The following PALM2AKAP2 variants were observed in gnomAD, a reference collection of about 807,000 sequenced individuals.
PALM2AKAP2 encodes the protein PALM2 and AKAP2 fusion, also known as PALM2-AKAP2 fusion protein.
PALM2AKAP2 carries 37 observed loss-of-function variants against 71.5 expected under a neutral mutation model. The observed-to-expected ratio is 0.52, with a 90% CI of 0.40 to 0.68. The LOEUF (loss-of-function observed/expected upper bound fraction) is 0.68. Ranked by LOEUF, PALM2AKAP2 falls within the 30% of genes least tolerant of loss-of-function variation. The pLI is 0.00. For missense variants in PALM2AKAP2, 1,224 were observed against 1,191.8 expected (o/e 1.03, Z -0.40); for synonymous variants, 468 against 478.8 (o/e 0.98, Z 0.29).
intron 1 of PALM2AKAP2, among the ~76,000 whole-genome samples, chr9:109,812,691 G>A (rs1223480805): frequency 2.0e-5 from 3 of 152,230 alleles, no homozygotes; most frequent in Admixed American, 6.5e-5. Context: ...GGAAACCACA[G>A]GTCCTTCTCT....
intron 3 of PALM2AKAP2, among the ~76,000 whole-genome samples, chr9:109,904,577 C>T (rs571285628): frequency 6.6e-6 from 1 of 152,208 alleles, no homozygotes; most frequent in Admixed American, 6.5e-5. Context: ...TCTCTTATAG[C>T]TGAGGGTTCC....
At chr9:109,826,199 C>T (rs1828144589) in intron 1 of PALM2AKAP2, among the ~76,000 whole-genome samples, 1 of 150,094 alleles carries the variant, frequency 6.7e-6, no homozygotes, top group Admixed American at 6.7e-5. Flanking sequence ...GAACATCACA[C>T]ACCGGGGCCT....
intron 1 of PALM2AKAP2, among the ~76,000 whole-genome samples, chr9:110,068,674 G>A (rs1233652104): frequency 6.6e-6 from 1 of 152,080 alleles, no homozygotes; most frequent in Non-Finnish European, 1.5e-5. Flanking sequence ...TGAGACCACA[G>A]GTGTGCGCCA....
At chr9:110,158,727 A>G (rs1052632453) in intron 3 of PALM2AKAP2, among the ~76,000 whole-genome samples, 2 of 152,246 alleles carry the variant, frequency 1.3e-5, no homozygotes, top group Non-Finnish European at 2.9e-5. Context: ...AAAGAGACCT[A>G]ACTAATTAAG....
At chr9:110,039,380 G>C (rs1376329190) in intron 7 of PALM2AKAP2, among the ~76,000 whole-genome samples, 1 of 152,146 alleles carries the variant, frequency 6.6e-6, no homozygotes, top group Non-Finnish European at 1.5e-5. Flanking sequence ...CAGCATATTT[G>C]ATAAAGTGAA....
chr9:110,156,273 A>C, intron 2 of PALM2AKAP2, 46 bp from the exon 9 acceptor site: 1 of 1,493,548 alleles, frequency 6.7e-7, no homozygotes, highest in Non-Finnish European at 8.9e-7. Flanking sequence ...AAAAGCAGTC[A>C]TGAGCAGACA....
intron 1 of PALM2AKAP2, among the ~76,000 whole-genome samples, chr9:110,103,103 A>G (rs1209701523): frequency 6.6e-6 from 1 of 151,476 alleles, no homozygotes; most frequent in African/African-American, 2.4e-5. Context: ...CCTCATGGAA[A>G]CCTCCCCTGA....
Position 109,867,430 on chromosome 9 carries a change from C to G in PALM2AKAP2, c.46-61C>G, listed in dbSNP as rs1244310953. On this transcript the variant is annotated intron_variant, in intron 1 of 9. Transcript: ENST00000302798. ...TGCTGCTGCTGCTGCTGCTTTCTGC[C>G]TTAAAATTTCTGGAGCCAACACCCA... is the stretch of plus-strand genomic sequence containing the variant. 2.5e-6 allele frequency: 4 copies of G among 1,588,870 alleles called. No individual in the cohort carries two copies. The African/African-American group carries it at 5.4e-5, about 21-fold the overall frequency.
chr9:109,821,449 G>A (rs7032049), intron 1 of PALM2AKAP2, among the ~76,000 whole-genome samples: 10,569 of 152,224 alleles, frequency 0.069, 493 homozygotes, highest in South Asian at 0.096. Context: ...TAGAGCCTTT[G>A]TAACTGAGCT....
At chr9:109,757,765 A>G (rs7028647) in intron 1 of PALM2AKAP2, among the ~76,000 whole-genome samples, 2,378 of 152,126 alleles carry the variant, frequency 0.016, 66 homozygotes, top group African/African-American at 0.054. Context: ...GTTCACCAAA[A>G]ATGTATAGGC....
chr9:109,979,550 C>A (rs770037893), intron 6 of PALM2AKAP2, among the ~76,000 whole-genome samples: 13 of 152,204 alleles, frequency 8.5e-5, no homozygotes, highest in Non-Finnish European at 1.6e-4. Flanking sequence ...ATTGAGGATA[C>A]CTTTCTCTCT....
At chr9:110,098,120 A>G (rs1834906092) in intron 1 of PALM2AKAP2, among the ~76,000 whole-genome samples, 1 of 130,946 alleles carries the variant, frequency 7.6e-6, no homozygotes, top group Non-Finnish European at 1.6e-5. Flanking sequence ...AGTACAGTCC[A>G]GCTTCGGCTC....
chr9:109,883,537 T>TC (rs1473917710), intron 3 of PALM2AKAP2, among the ~76,000 whole-genome samples: 1 of 152,192 alleles, frequency 6.6e-6, no homozygotes. Context: ...GAAGTCAGCT[T>TC]CTGCTTCTCT....
upstream of PALM2AKAP2, among the ~76,000 whole-genome samples, chr9:109,777,963 T>C (rs1479384113): frequency 6.6e-6 from 1 of 152,230 alleles, no homozygotes; most frequent in East Asian, 1.9e-4. Flanking sequence ...AGTTCAGATA[T>C]TTCCAACTGA....
At chr9:109,729,704 T>G (rs1465718012) in intron 1 of PALM2AKAP2, among the ~76,000 whole-genome samples, 1 of 152,198 alleles carries the variant, frequency 6.6e-6, no homozygotes. Flanking sequence ...AAGGTGCATA[T>G]TCTCCCAGAA....
intron 6 of PALM2AKAP2, among the ~76,000 whole-genome samples, chr9:109,958,138 G>A (rs1212908765): frequency 6.8e-6 from 1 of 146,678 alleles, no homozygotes; most frequent in Non-Finnish European, 1.5e-5. Context: ...ATTTGAGGCA[G>A]TTGATTGAAA....
chr9:109,880,062 A>C (rs570742937), intron 2 of PALM2AKAP2, among the ~76,000 whole-genome samples: 1 of 152,348 alleles, frequency 6.6e-6, no homozygotes, highest in South Asian at 2.1e-4. Flanking sequence ...TCATTAAAGA[A>C]GGGAGTCATT....
chr9:110,046,502 C>G (rs1414671147), upstream of PALM2AKAP2, among the ~76,000 whole-genome samples: 2 of 123,142 alleles, frequency 1.6e-5, no homozygotes, highest in East Asian at 4.7e-4. Context: ...GAGTTTCGCT[C>G]TTGTTGCCCA....
chr9:109,979,325 A>G (rs1832226529), intron 6 of PALM2AKAP2, among the ~76,000 whole-genome samples: 1 of 152,076 alleles, frequency 6.6e-6, no homozygotes, highest in Non-Finnish European at 1.5e-5. Flanking sequence ...TCTAGCCATG[A>G]GGGTGGAGGA....
Sources: allele counts gnomAD v4.1 joint callset (sites outside exome capture counted in the v4.1 genomes callset), GRCh38; gene constraint gnomAD v4.1.1; transcripts MANE v1.5; gene names NCBI Gene and HGNC (gene_info 2026-07-23, HGNC 2026-07-21).